Variants in FRMD4B observed in about 807,000 individuals in gnomAD.
The protein encoded by FRMD4B is FERM domain containing 4B.
A neutral mutation model predicts 141.5 loss-of-function variants in FRMD4B; 74 were observed. The observed-to-expected ratio is 0.52, with a 90% confidence interval of 0.43 to 0.63. The LOEUF is 0.63. FRMD4B is among the 30% of genes least tolerant of loss of function. FRMD4B has a pLI of 0.00. For missense variants in FRMD4B, 1,366 were observed against 1,253.4 expected (o/e 1.09, Z -1.36); for synonymous variants, 506 against 467.9 (o/e 1.08, Z -1.05).
intron 1 of FRMD4B, among the ~76,000 whole-genome samples, chr3:69,456,430 A>C (rs1421530028): frequency 6.6e-6 from 1 of 152,202 alleles, no homozygotes; most frequent in Non-Finnish European, 1.5e-5. Flanking sequence ...TTAGTCCCAA[A>C]AATGTTTGAC....
At chr3:69,405,933 T>C (rs1311445137) in intron 2 of FRMD4B, among the ~76,000 whole-genome samples, 2 of 152,248 alleles carry the variant, frequency 1.3e-5, no homozygotes, top group Non-Finnish European at 2.9e-5. Flanking sequence ...ATATTTTGCA[T>C]TTTCAATGAC....
At position 69,181,069 on chromosome 3, in the gene FRMD4B, A is replaced by G; in HGVS notation, c.2681T>C (p.Leu894Ser). Residue 894 changes from leucine (L) to serine (S), a missense_variant, in exon 21 of 23, where the codon TTA becomes TCA. By Grantham distance (145) the Leu-to-Ser change is moderately radical. Coordinates refer to ENST00000398540, the MANE Select transcript of FRMD4B (RefSeq NM_015123.3). Reference protein sequence around the residue: ...EHITKNIHKALVAEHLRGWYQ... With the variant: ...EHITKNIHKASVAEHLRGWYQ... ...CCAGCCACGCAAGTGCTCGGCAACTAAGGCCTTGTGGATGTTTTTGGTGAT... is the reference window on the plus strand; with the variant it reads ...CCAGCCACGCAAGTGCTCGGCAACTGAGGCCTTGTGGATGTTTTTGGTGAT... 2 of 1,612,918 alleles carry G rather than the reference A, an allele frequency of 1.2e-6. No individual in the cohort carries two copies. The highest frequency in any genetic ancestry group is 1.7e-6 in the Non-Finnish European group (2 of 1,179,114).
At chr3:69,228,416 C>T (rs2093274884) in intron 7 of FRMD4B, 1 of 456,788 alleles carries the variant, frequency 2.2e-6, no homozygotes, top group Non-Finnish European at 4.4e-6. Context: ...TCAAACTCAC[C>T]ATCAGACCTG....
intron 7 of FRMD4B, among the ~76,000 whole-genome samples, chr3:69,233,015 G>C (rs1404017854): frequency 6.7e-6 from 1 of 149,158 alleles, no homozygotes; most frequent in African/African-American, 2.5e-5. Context: ...GCTTCTCAAA[G>C]TACTGGGATT....
At chr3:69,346,806 T>A (rs1702958489) in intron 1 of FRMD4B, among the ~76,000 whole-genome samples, 1 of 152,164 alleles carries the variant, frequency 6.6e-6, no homozygotes, top group Admixed American at 6.5e-5. Flanking sequence ...CCACCAGGCC[T>A]GCCCTAAAAG....
At chr3:69,487,624 G>T (rs552379313) in intron 1 of FRMD4B, among the ~76,000 whole-genome samples, 99 of 152,180 alleles carry the variant, frequency 6.5e-4, no homozygotes, top group Non-Finnish European at 1.1e-3. Flanking sequence ...CCTCTTAGAA[G>T]ATGTCAAAGA....
At chr3:69,321,471 G>C (rs1449697749) in intron 1 of FRMD4B, among the ~76,000 whole-genome samples, 1 of 152,158 alleles carries the variant, frequency 6.6e-6, no homozygotes, top group Non-Finnish European at 1.5e-5. Context: ...TCACCTTCTA[G>C]AGTGAAATCT....
intron 1 of FRMD4B, among the ~76,000 whole-genome samples, chr3:69,512,836 A>G (rs929553600): frequency 2.0e-5 from 3 of 152,228 alleles, no homozygotes; most frequent in African/African-American, 7.2e-5. Context: ...AAGACATCAC[A>G]AGGGAAATTT....
At chr3:69,254,259 C>T (rs544529542) in intron 5 of FRMD4B, among the ~76,000 whole-genome samples, 2 of 152,168 alleles carry the variant, frequency 1.3e-5, no homozygotes, top group East Asian at 3.9e-4. Context: ...GGCCCACTAC[C>T]ATGCCCGGCT....
At chr3:69,462,179 G>A (rs997761472) in intron 1 of FRMD4B, among the ~76,000 whole-genome samples, 5 of 152,242 alleles carry the variant, frequency 3.3e-5, no homozygotes, top group African/African-American at 4.8e-5. Context: ...TGGTGTCTTC[G>A]TGAACAGTAA....
At chr3:69,184,313 T>C (rs1223998380) in intron 19 of FRMD4B, among the ~76,000 whole-genome samples, 1 of 152,256 alleles carries the variant, frequency 6.6e-6, no homozygotes. Context: ...ACATACATAT[T>C]TATTTTTTAA....
upstream of FRMD4B, chr3:69,386,276 C>G (rs1704252645): frequency 3.1e-6 from 1 of 319,760 alleles, no homozygotes; most frequent in Non-Finnish European, 5.7e-6. Context: ...CAAGCTGGCC[C>G]TCGATGCTCC....
intron 1 of FRMD4B, among the ~76,000 whole-genome samples, chr3:69,478,764 A>G (rs1193308296): frequency 1.3e-5 from 2 of 152,156 alleles, no homozygotes; most frequent in Non-Finnish European, 2.9e-5. Context: ...TATCCTTGTT[A>G]ACTTTCTGTC....
chr3:69,429,545 A>G (rs1013183754), intron 2 of FRMD4B, among the ~76,000 whole-genome samples: 4 of 152,162 alleles, frequency 2.6e-5, no homozygotes, highest in Non-Finnish European at 5.9e-5. Context: ...CCCTGATTTG[A>G]TCATTACTCA....
At chr3:69,245,487 C>T (rs1280758542) in intron 7 of FRMD4B, among the ~76,000 whole-genome samples, 2 of 152,014 alleles carry the variant, frequency 1.3e-5, no homozygotes, top group African/African-American at 2.4e-5. Flanking sequence ...GCTGTTATTA[C>T]AGATGTGTGC....
At chr3:69,511,573 G>A (rs1299633967) in intron 1 of FRMD4B, among the ~76,000 whole-genome samples, 1 of 152,186 alleles carries the variant, frequency 6.6e-6, no homozygotes, top group Non-Finnish European at 1.5e-5. Flanking sequence ...AGCCCCAGCT[G>A]TCGCTCCTCT....
At chr3:69,255,624 CCTTCT>C (rs2093487697) in intron 5 of FRMD4B, among the ~76,000 whole-genome samples, 1 of 152,048 alleles carries the variant, frequency 6.6e-6, no homozygotes, top group Non-Finnish European at 1.5e-5. Context: ...TGGCAAGTAC[CCTTCT>C]CTTTTTTTGA....
intron 1 of FRMD4B, among the ~76,000 whole-genome samples, chr3:69,480,790 T>C (rs1706108333): frequency 6.6e-6 from 1 of 152,202 alleles, no homozygotes; most frequent in South Asian, 2.1e-4. Flanking sequence ...GTCTTTTTGT[T>C]TGTCTCTGCC....
chr3:69,279,128 T>G (rs1490252804), intron 5 of FRMD4B, among the ~76,000 whole-genome samples: 2 of 152,166 alleles, frequency 1.3e-5, no homozygotes, highest in Non-Finnish European at 2.9e-5. Flanking sequence ...GAAAAAATCC[T>G]TAAGACTTAG....
Sources: gnomAD v4.1 joint callset for allele counts (sites outside exome capture counted in the v4.1 genomes callset) on GRCh38, gnomAD v4.1.1 for gene constraint, MANE v1.5 for transcripts, NCBI Gene and HGNC (gene_info 2026-07-23, HGNC 2026-07-21) for gene names.